APOBEC3B: variants seen among roughly 807,000 people sequenced by gnomAD.
APOBEC3B encodes the protein DNA dC->dU-editing enzyme APOBEC-3B.
A neutral mutation model predicts 53.4 loss-of-function variants in APOBEC3B; 29 were observed. The observed-to-expected ratio is 0.54, with a 90% CI of 0.40 to 0.74. APOBEC3B has a LOEUF of 0.74. APOBEC3B is among the 30% of genes least tolerant of loss of function. The pLI is 0.00. For synonymous variants in APOBEC3B, 132 were observed against 184.8 expected (o/e 0.71, Z 2.32); for missense variants, 347 against 496.2 (o/e 0.70, Z 2.86).
intron 4 of APOBEC3B, 76 bp downstream of exon 4, chr22:38,986,488 C>A (rs1923746540): frequency 6.8e-7 from 1 of 1,478,966 alleles, no homozygotes; most frequent in African/African-American, 1.4e-5. Context: ...TTGGCCTGGC[C>A]CTCCCGCCCT....
chr22:38,982,698 T>C (rs1330738727), intron 1 of APOBEC3B, among the ~76,000 whole-genome samples: 1 of 147,840 alleles, frequency 6.8e-6, no homozygotes, highest in Non-Finnish European at 1.5e-5. Context: ...CCAGGCCCCG[T>C]GCTGAGACTC....
chr22:38,992,687 T>C lies in APOBEC3B; in HGVS notation c.*242T>C. Reference sequence around the variant, plus strand: ...AAGATTATGCTCAATATTCCCAGAATAGTTTTCAATGTATTAATGAAGTGA... The same window carrying C: ...AAGATTATGCTCAATATTCCCAGAACAGTTTTCAATGTATTAATGAAGTGA... On this transcript the variant is annotated 3_prime_UTR_variant, in exon 8 of 8. Transcript: ENST00000333467. 1 of 1,128,188 alleles carries C rather than the reference T, an allele frequency of 8.9e-7. No individual in the cohort carries two copies. Among genetic ancestry groups the C allele is most frequent in the Non-Finnish European group, 1.2e-6 (1 of 806,900 alleles). The allele number at this position is 1,128,188 out of a possible 1,614,324, so 69.9% of individuals were successfully genotyped here.
At position 38,986,877 on chromosome 22, in the gene APOBEC3B, G is replaced by C. The variant is rs1366649216; in HGVS notation, c.569+465G>C. 1.3e-5 allele frequency among the ~76,000 whole-genome samples: 2 copies of C among 148,532 alleles called. 1 individual carries two copies. The highest frequency in any genetic ancestry group is 4.9e-5 in the African/African-American group (2 of 40,816). ...GTGGCCTCTGAGTGTGAAGGCATGG[G>C]GGAAGGCAGACACCTGCCCCTGACT... On this transcript the variant is annotated intron_variant, in intron 4 of 7. Transcript: ENST00000333467.
intron 5 of APOBEC3B, among the ~76,000 whole-genome samples, chr22:38,990,352 A>T (rs1245530491): frequency 2.0e-5 from 3 of 147,120 alleles, no homozygotes; most frequent in Non-Finnish European, 4.5e-5. Context: ...CCCAGGAATG[A>T]CCCACAGCCC....
intron 4 of APOBEC3B, among the ~76,000 whole-genome samples, chr22:38,988,200 G>A (rs1467141799): frequency 1.3e-5 from 2 of 148,366 alleles, no homozygotes; most frequent in Non-Finnish European, 3.0e-5. Flanking sequence ...CCCTCTCTCT[G>A]GACCTGGCCT....
At chr22:38,983,608 C>T (rs1470392143) in intron 1 of APOBEC3B, among the ~76,000 whole-genome samples, 1 of 148,930 alleles carries the variant, frequency 6.7e-6, no homozygotes, top group South Asian at 2.2e-4. Flanking sequence ...AGGGTAGCCT[C>T]ACGTGAGCTC....
Position 38,989,522 on chromosome 22 carries a change from G to T in APOBEC3B, c.635G>T (p.Arg212Leu), listed in dbSNP as rs113792154. The T allele has an allele frequency of 1.9e-6, 3 of 1,589,228 alleles. No homozygotes were observed. The highest frequency in any genetic ancestry group is 2.6e-6 in the Non-Finnish European group (3 of 1,169,646). ...FNNDPLVLRR[R>L]QTYLCYEVER... Reference sequence around the variant, plus strand: ...AATGACCCTTTGGTCCTTCGACGGCGCCAGACCTACTTGTGCTATGAGGTG... The same window carrying T: ...AATGACCCTTTGGTCCTTCGACGGCTCCAGACCTACTTGTGCTATGAGGTG... The change falls in exon 5 of 8, where the codon CGC becomes CTC. Residue 212 changes from arginine to leucine, a missense_variant. Arg to Leu is a moderately radical substitution (Grantham distance 102). This residue lies in a region of APOBEC3B where 156 missense variants were observed against 166.7 expected (regional missense o/e 0.94). Coordinates refer to ENST00000333467, the MANE Select transcript of APOBEC3B (RefSeq NM_004900.5).
In APOBEC3B at chr22:38,988,008, G is replaced by A. The variant is rs1923809659; in HGVS notation, c.570-1449G>A. On this transcript the variant is annotated intron_variant, in intron 4 of 7. Coordinates refer to ENST00000333467, the MANE Select transcript of APOBEC3B (RefSeq NM_004900.5). The stretch of plus-strand genomic sequence containing the variant: ...AGCTACTTGGGAGGCTGAAGCAGGA[G>A]AATCGCTTGAACCCGGGAGGGACAG... Among the ~76,000 whole-genome samples the A allele has an allele frequency of 2.7e-5, 4 of 148,556 alleles. 2 individuals are homozygous for A. In the Admixed American group the frequency reaches 2.8e-4, roughly 10 times the overall value.
Position 38,992,481 on chromosome 22 carries a change from T to G in APOBEC3B, c.*36T>G, listed in dbSNP as rs150925968. On this transcript the variant is annotated 3_prime_UTR_variant, in exon 8 of 8. Coordinates refer to ENST00000333467, the MANE Select transcript of APOBEC3B (RefSeq NM_004900.5). ...TCAGTCTCTAAGGAAGGCAGAGACCTGGGTTGAGCAGCAGAATAAAAGATC... is the reference window on the plus strand; with the variant it reads ...TCAGTCTCTAAGGAAGGCAGAGACCGGGGTTGAGCAGCAGAATAAAAGATC... 2 of 1,520,922 alleles carry G rather than the reference T, an allele frequency of 1.3e-6. No homozygotes were observed. Among genetic ancestry groups the G allele is most frequent in the Non-Finnish European group, 1.8e-6 (2 of 1,135,932 alleles). The allele number at this position is 1,520,922 out of a possible 1,614,324, so 94.2% of individuals were successfully genotyped here. A position where few individuals can be genotyped will look rare whatever the true frequency, so the allele number is the denominator to read the frequency against.
chr22:38,987,974 G>A (rs566239680), intron 4 of APOBEC3B, among the ~76,000 whole-genome samples: 10 of 148,302 alleles, frequency 6.7e-5, no homozygotes, highest in African/African-American at 2.4e-4. Context: ...AGCGGGAGCC[G>A]GTAATCCCAG....
At position 38,984,021 on chromosome 22, in the gene APOBEC3B, G is replaced by A. The variant is rs1276915322; in HGVS notation, c.18-54G>A. On this transcript the variant is annotated intron_variant, in intron 1 of 7. Transcript: ENST00000333467. The stretch of plus-strand genomic sequence containing the variant: ...GCTGTGTTCAGTGGACATGAGCCCC[G>A]AGGACTCCCGGGAGGGCTCCCTGCA... The A allele has an allele frequency of 3.0e-5, 47 of 1,554,498 alleles. 8 individuals carry two copies. The highest frequency in any genetic ancestry group is 1.3e-4 in the South Asian group (11 of 82,874).
In APOBEC3B at chr22:38,985,769, C is replaced by A. The variant is rs368058660; in HGVS notation, c.175-43C>A. ...CTGCCCCACCCCTGCACTCCTCCTG[C>A]TCCCCCTCTCAGAGCATCCCCTGCC... is the stretch of plus-strand genomic sequence containing the variant. On this transcript the variant is annotated intron_variant, in intron 2 of 7. Transcript: ENST00000333467. The A allele has an allele frequency of 9.7e-6, 15 of 1,542,122 alleles. 2 individuals carry two copies. In the East Asian group the frequency reaches 1.5e-4, roughly 16 times the overall value.
chr22:38,992,675 A>G lies in APOBEC3B; in HGVS notation c.*230A>G. 8.1e-7 allele frequency: 1 copy of G among 1,227,280 alleles called. No individual in the cohort carries two copies. The highest frequency in any genetic ancestry group is 1.1e-6 in the Non-Finnish European group (1 of 894,542). 76.0% of individuals were successfully genotyped at this position (1,227,280 alleles called of 1,614,324 possible). ...GTGTACAAGAGTAAGATTATGCTCA[A>G]TATTCCCAGAATAGTTTTCAATGTA... On this transcript the variant is annotated 3_prime_UTR_variant, in exon 8 of 8. Coordinates refer to ENST00000333467, the MANE Select transcript of APOBEC3B (RefSeq NM_004900.5).
chr22:38,986,546 A>T, intron 4 of APOBEC3B, 134 bp downstream of exon 4: 1 of 1,053,876 alleles, frequency 9.5e-7, no homozygotes. Flanking sequence ...CCTTCCCTTA[A>T]CTCCTGGTGC....
Position 38,989,604 on chromosome 22 carries a change from C to T in APOBEC3B, c.717C>T (p.Cys239=), listed in dbSNP as rs1289215514. The T allele has an allele frequency of 6.4e-7, 1 of 1,568,812 alleles. No individual in the cohort carries two copies. The highest frequency in any genetic ancestry group is 8.7e-7 in the Non-Finnish European group (1 of 1,155,752). ...TGGACCAGCACATGGGCTTTCTATG[C>T]AACGAGGTGACCGACCCAGCCACCT... is the stretch of plus-strand genomic sequence containing the variant. ...VLMDQHMGFL[C]NEAKNLLCGF... is the part of the protein sequence containing the mutation. Residue 239 remains cysteine, a synonymous_variant, in exon 5 of 8, where the codon TGC becomes TGT. Transcript: ENST00000333467.
chr22:38,984,281 G>A, intron 2 of APOBEC3B, 50 bp downstream of exon 2: 1 of 1,563,994 alleles, frequency 6.4e-7, no homozygotes, highest in Non-Finnish European at 8.6e-7. Flanking sequence ...AGGAATTAGA[G>A]GACTGGAGAG....
Position 38,992,717 on chromosome 22 carries a change from T to TACA in APOBEC3B, c.*272_*273insACA. 2 of 902,960 alleles carry TACA rather than the reference T, an allele frequency of 2.2e-6. No individual in the cohort carries two copies. Among genetic ancestry groups the TACA allele is most frequent in the South Asian group, 1.9e-5 (1 of 54,004 alleles). 55.9% of individuals were successfully genotyped at this position (902,960 alleles called of 1,614,324 possible). ...TTCAATGTATTAATGAAGTGATTAA[T>TACA]TGGCTCCATATTTAGACTAATAAAA... On this transcript the variant is annotated 3_prime_UTR_variant, in exon 8 of 8. Transcript: ENST00000333467.
rs537212122 is a variant in APOBEC3B, at chr22:38,982,441, T to TAA, written c.-12_-11dup. On this transcript the variant is annotated 5_prime_UTR_variant, in exon 1 of 8. Transcript: ENST00000333467. ...AGAGCGGGACAGGGACAAGCGTATCTAAGAGGCTGAACATGAATCCACAGA... is the reference window on the plus strand; with the variant it reads ...AGAGCGGGACAGGGACAAGCGTATCTAAAAGAGGCTGAACATGAATCCACAGA... 1.3e-4 allele frequency: 200 copies of TAA among 1,593,520 alleles called. 43 individuals carry two copies. In the East Asian group the frequency reaches 4.3e-3, roughly 34 times the overall value.
Position 38,985,848 on chromosome 22 carries a change from T to C in APOBEC3B, c.211T>C (p.Phe71Leu), listed in dbSNP as rs1923711253. 4.4e-6 allele frequency: 7 copies of C among 1,593,562 alleles called. 1 individual carries two copies. In the East Asian group the frequency reaches 1.7e-4, roughly 39 times the overall value. The part of the protein sequence containing the change: ...FKPQYHAEMC[F>L]LSWFCGNQLP... ...GCCTCAGTACCACGCAGAAATGTGC[T>C]TCCTCTCTTGGTTCTGTGGCAACCA... is the stretch of plus-strand genomic sequence containing the variant. The change falls in exon 3 of 8, where the codon TTC becomes CTC. Residue 71 changes from phenylalanine (F) to leucine (L), a missense_variant. By Grantham distance (22) the Phe-to-Leu change is conservative. This residue lies in a region of APOBEC3B where 73 missense variants were observed against 90.9 expected (regional missense o/e 0.80). Transcript: ENST00000333467.
Sources: gnomAD v4.1 joint callset for allele counts (sites outside exome capture counted in the v4.1 genomes callset) on GRCh38, gnomAD v4.1.1 for gene constraint, gnomAD v4.1.1 regional missense constraint, MANE v1.5 for transcripts, NCBI Gene and HGNC (gene_info 2026-07-23, HGNC 2026-07-21) for gene names.